The following PTPRN2 variants were observed in gnomAD, a reference collection of about 807,000 sequenced individuals.
PTPRN2 encodes the protein protein tyrosine phosphatase receptor type N2, also known as receptor-type tyrosine-protein phosphatase N2.
PTPRN2 carries 74 observed loss-of-function variants against 118.8 expected under a neutral mutation model. The ratio of observed to expected loss-of-function variants is 0.62; its 90% CI spans 0.52 to 0.76. The LOEUF (loss-of-function observed/expected upper bound fraction) is 0.76. Ranked by LOEUF, PTPRN2 falls within the 30% of genes least tolerant of loss-of-function variation. The probability of loss-of-function intolerance (pLI) is 0.00; values close to 1 mark genes in which losing one functional copy is unlikely to be tolerated. For synonymous variants in PTPRN2, 641 were observed against 608.0 expected (o/e 1.05, Z -0.80); for missense variants, 1,481 against 1,394.4 (o/e 1.06, Z -0.99).
intron 12 of PTPRN2, among the ~76,000 whole-genome samples, chr7:157,760,234 T>C (rs894237862): frequency 6.6e-6 from 1 of 152,090 alleles, no homozygotes; most frequent in African/African-American, 2.4e-5. Flanking sequence ...GCCCCAAATC[T>C]TACAGCTGAT....
intron 6 of PTPRN2, among the ~76,000 whole-genome samples, chr7:158,140,619 T>A (rs1819282156): frequency 6.6e-6 from 1 of 152,000 alleles, no homozygotes; most frequent in Non-Finnish European, 1.5e-5. Flanking sequence ...TAACAGAAGA[T>A]GAAGTTCAAG....
chr7:158,348,969 G>T (rs1192631190), intron 2 of PTPRN2, among the ~76,000 whole-genome samples: 1 of 78,512 alleles, frequency 1.3e-5, no homozygotes, highest in Admixed American at 1.2e-4. Flanking sequence ...GGTGGCCCAC[G>T]TCACTGCACC....
Position 157,987,733 on chromosome 7 carries a change from C to T in PTPRN2, c.1724-88996G>A, listed in dbSNP as rs1351584445. Among the ~76,000 whole-genome samples the T allele has an allele frequency of 3.3e-5, 5 of 152,136 alleles. No homozygotes were observed. The highest frequency in any genetic ancestry group is 1.5e-5 in the Non-Finnish European group (1 of 68,034). On this transcript the variant is annotated intron_variant, in intron 11 of 22. Coordinates refer to ENST00000389418, the MANE Select transcript of PTPRN2 (RefSeq NM_002847.5). The surrounding 1 kb of genome is among the most constrained non-coding windows in gnomAD (Gnocchi z 4.3). The stretch of plus-strand genomic sequence containing the variant: ...CAGTTATTATGCAGTGTGGGATCCA[C>T]AGTTACAGAGCGGATGGGGGACTAA...
chr7:158,348,242 G>C (rs577293804), intron 2 of PTPRN2, among the ~76,000 whole-genome samples: 7 of 151,968 alleles, frequency 4.6e-5, no homozygotes, highest in Non-Finnish European at 8.8e-5. Flanking sequence ...TGCAGATCCC[G>C]GCCACTGTGC....
chr7:157,984,230 GCCCCACGCCAGGCTCCACCT>G (rs1563298857), intron 11 of PTPRN2, among the ~76,000 whole-genome samples: 27 of 136,402 alleles, frequency 2.0e-4, no homozygotes, highest in African/African-American at 4.4e-4. Flanking sequence ...TGAAACCACC[GCCCCACGCCAGGCTCCACCT>G]CCCCACGCCA....
chr7:158,133,983 A>T lies in PTPRN2; in HGVS notation c.1250T>A (p.Phe417Tyr), dbSNP rs1011994116. 48 of 1,613,846 alleles carry T rather than the reference A, an allele frequency of 3.0e-5. No individual in the cohort carries two copies. Among genetic ancestry groups the T allele is most frequent in the Non-Finnish European group, 4.1e-5 (48 of 1,180,024 alleles). ...CCTCTCCATGTCGAGGGGCCTTGCA[A>T]AGGGGAGGGCTCCAGGTAAGAGTCG... ...GSRLLPGALP[F>Y]ARPLDMERKK... Residue 417 changes from phenylalanine to tyrosine, a missense_variant, in exon 9 of 23, where the codon TTT (phenylalanine) becomes TAT (tyrosine). Transcript: ENST00000389418.
chr7:158,206,990 G>A (rs1476669967), intron 3 of PTPRN2, among the ~76,000 whole-genome samples: 1 of 127,782 alleles, frequency 7.8e-6, no homozygotes, highest in African/African-American at 3.0e-5. Flanking sequence ...CCCAGAGTGT[G>A]ATGTTCCCCT....
chr7:158,022,809 C>T lies in PTPRN2; in HGVS notation c.1723+58489G>A, dbSNP rs533951274. Reference sequence around the variant, plus strand: ...CGTTCTGAGCACCCCTGGAGCAGGGCACTGTTGGGTTACTTGAAAAATAGG... The same window carrying T: ...CGTTCTGAGCACCCCTGGAGCAGGGTACTGTTGGGTTACTTGAAAAATAGG... On this transcript the variant is annotated intron_variant, in intron 11 of 22. Transcript: ENST00000389418. This position sits in a 1 kb window ranked among gnomAD's most constrained non-coding sequence, Gnocchi z 4.6. Among the ~76,000 whole-genome samples, 6 of 152,386 alleles carry T rather than the reference C, an allele frequency of 3.9e-5. No individual in the cohort carries two copies. The highest frequency in any genetic ancestry group is 4.1e-4 in the South Asian group (2 of 4,834).
chr7:158,319,273 G>A (rs1306081968), intron 2 of PTPRN2, among the ~76,000 whole-genome samples: 1 of 148,120 alleles, frequency 6.8e-6, no homozygotes, highest in Non-Finnish European at 1.5e-5. Context: ...AGTGGACACA[G>A]ACACCATCCC....
At chr7:158,150,883 G>T (rs971509826) in intron 6 of PTPRN2, among the ~76,000 whole-genome samples, 1 of 151,924 alleles carries the variant, frequency 6.6e-6, no homozygotes, top group Non-Finnish European at 1.5e-5. Context: ...ACGTGCTGGT[G>T]GAATTATCCT....
At chr7:158,532,642 AC>A in intron 1 of PTPRN2, 1 of 484,064 alleles carries the variant, frequency 2.1e-6, no homozygotes, top group Middle Eastern at 3.4e-4. Context: ...AACTTCAAAA[AC>A]CCGGGACATG....
intron 2 of PTPRN2, among the ~76,000 whole-genome samples, chr7:158,344,206 G>C (rs578113209): frequency 1.4e-4 from 22 of 152,270 alleles, no homozygotes; most frequent in Non-Finnish European, 2.6e-4. Context: ...CAGCACAGAC[G>C]GGGGAAGCTC....
intron 12 of PTPRN2, among the ~76,000 whole-genome samples, chr7:157,877,608 G>A (rs73746686): frequency 0.026 from 3,961 of 152,182 alleles, 164 homozygotes; most frequent in African/African-American, 0.087. Context: ...CCCCGCCCAC[G>A]TCACAAAGAG....
At chr7:157,795,283 G>A (rs1804800793) in intron 12 of PTPRN2, among the ~76,000 whole-genome samples, 1 of 152,170 alleles carries the variant, frequency 6.6e-6, no homozygotes, top group African/African-American at 2.4e-5. Context: ...GCAGGAGGGA[G>A]GGTGCTCAAA....
In PTPRN2 at chr7:158,171,302, TACAC is replaced by T. The variant is rs1190009891; in HGVS notation, c.550-4015_550-4012del. ...ACACATATATATACACACATATATATACACACATATATATATATATATATATATA... is the reference window on the plus strand; with the variant it reads ...ACACATATATATACACACATATATATACATATATATATATATATATATATA... On this transcript the variant is annotated intron_variant, in intron 5 of 22. Transcript: ENST00000389418. Among the ~76,000 whole-genome samples, 13 of 24,386 alleles carry T rather than the reference TACAC, an allele frequency of 5.3e-4. 1 individual carries two copies. The highest frequency in any genetic ancestry group is 7.6e-4 in the Non-Finnish European group (9 of 11,818). 16.0% of individuals were successfully genotyped at this position (24,386 alleles called of 152,430 possible).
chr7:157,810,074 T>G (rs7785726), intron 12 of PTPRN2, among the ~76,000 whole-genome samples: 148,855 of 152,342 alleles, frequency 0.98, 72,747 homozygotes, highest in East Asian at 1. Context: ...CAGGGGAGCT[T>G]CCCCTGCTGG....
intron 11 of PTPRN2, among the ~76,000 whole-genome samples, chr7:157,969,094 A>G (rs1009614799): frequency 1.3e-4 from 20 of 151,472 alleles, no homozygotes; most frequent in African/African-American, 4.1e-4. Flanking sequence ...AAGGGTTAAC[A>G]TCTTGCAATA....
chr7:157,653,881 C>A (rs1370833059), intron 14 of PTPRN2, among the ~76,000 whole-genome samples: 1 of 142,172 alleles, frequency 7.0e-6, no homozygotes, highest in African/African-American at 2.7e-5. Flanking sequence ...CCCGCTGATC[C>A]CCACACCCAC....
At chr7:157,994,665 TC>T (rs1355522510) in intron 11 of PTPRN2, among the ~76,000 whole-genome samples, 34 of 124,702 alleles carry the variant, frequency 2.7e-4, no homozygotes, top group Admixed American at 5.5e-4. Context: ...AGCTCCTTGT[TC>T]CTAAAATCAA....
Sources: gnomAD v4.1 joint callset for allele counts (sites outside exome capture counted in the v4.1 genomes callset) on GRCh38, gnomAD v4.1.1 for gene constraint, Gnocchi (gnomAD v3.1) non-coding constraint, MANE v1.5 for transcripts, NCBI Gene and HGNC (gene_info 2026-07-23, HGNC 2026-07-21) for gene names.